Variants in DGKB observed in about 807,000 individuals in gnomAD.
The protein encoded by DGKB is diacylglycerol kinase beta.
A neutral mutation model predicts 114.3 loss-of-function variants in DGKB; 67 were observed. The observed-to-expected ratio is 0.59, with a 90% CI of 0.48 to 0.72. The LOEUF (loss-of-function observed/expected upper bound fraction) is 0.72, where lower values mean the gene tolerates loss of function less well. Among genes scored for constraint, DGKB ranks in the 30% least tolerant of loss-of-function variants. The pLI is 0.00. For synonymous variants in DGKB, 398 were observed against 323.1 expected (o/e 1.23, Z -2.49); for missense variants, 907 against 975.2 (o/e 0.93, Z 0.93).
chr7:14,637,974 T>C (rs2128867576), intron 13 of DGKB, among the ~76,000 whole-genome samples: 1 of 152,216 alleles, frequency 6.6e-6, no homozygotes, highest in South Asian at 2.1e-4. Context: ...ACATCAATTT[T>C]CATTTTCTGA....
chr7:14,437,675 T>C (rs1456863522), intron 21 of DGKB, among the ~76,000 whole-genome samples: 3 of 151,786 alleles, frequency 2.0e-5, no homozygotes, highest in African/African-American at 7.3e-5. Flanking sequence ...GAGAATTGTC[T>C]TCAAGGTAAT....
chr7:14,636,267 C>A (rs898565648), intron 13 of DGKB, among the ~76,000 whole-genome samples: 1 of 151,650 alleles, frequency 6.6e-6, no homozygotes, highest in Non-Finnish European at 1.5e-5. Context: ...AGACTCTTTT[C>A]CCCCGACCAT....
chr7:14,385,393 G>C (rs1297531388), intron 21 of DGKB, among the ~76,000 whole-genome samples: 2 of 152,158 alleles, frequency 1.3e-5, no homozygotes, highest in Non-Finnish European at 2.9e-5. Context: ...GCTATTTGTA[G>C]ACTAGGTCCA....
At chr7:14,233,424 T>A (rs1038076874) in intron 23 of DGKB, among the ~76,000 whole-genome samples, 3 of 152,034 alleles carry the variant, frequency 2.0e-5, no homozygotes, top group Non-Finnish European at 4.4e-5. Context: ...TGTTCTTGCC[T>A]ATAAATTGAG....
At chr7:14,518,156 T>A (rs1789154453) in intron 20 of DGKB, among the ~76,000 whole-genome samples, 1 of 152,160 alleles carries the variant, frequency 6.6e-6, no homozygotes, top group Non-Finnish European at 1.5e-5. Flanking sequence ...ATTATGTCCT[T>A]TGCAGCAGCA....
intron 2 of DGKB, among the ~76,000 whole-genome samples, chr7:14,819,799 T>C (rs949495203): frequency 1.8e-4 from 28 of 152,062 alleles, no homozygotes; most frequent in Non-Finnish European, 3.8e-4. Flanking sequence ...ATACCATATA[T>C]CTTTAAGAGT....
At position 14,178,238 on chromosome 7, in the gene DGKB, A is replaced by G. The variant is rs1205433239; in HGVS notation, c.2123-87T>C. 13 of 1,370,258 alleles carry G rather than the reference A, an allele frequency of 9.5e-6. No homozygotes were observed. The Admixed American group carries it at 3.0e-4, about 32-fold the overall frequency. The allele number at this position is 1,370,258 out of a possible 1,614,324, so 84.9% of individuals were successfully genotyped here. ...CATTTGATATTATGGAGATTAAAAA[A>G]AATAACAGCCACTTCACAAAGAAAG... On this transcript the variant is annotated intron_variant, in intron 23 of 25. Coordinates refer to ENST00000402815, the MANE Select transcript of DGKB (RefSeq NM_001350709.2).
chr7:14,219,984 GAGAA>G (rs1789658216), intron 23 of DGKB, among the ~76,000 whole-genome samples: 1 of 151,568 alleles, frequency 6.6e-6, no homozygotes, highest in African/African-American at 2.4e-5. Context: ...ACTACTTTCT[GAGAA>G]ATGCATCATT....
intron 20 of DGKB, among the ~76,000 whole-genome samples, chr7:14,535,378 G>GAAAA (rs111762380): frequency 3.2e-5 from 4 of 123,644 alleles, no homozygotes; most frequent in African/African-American, 5.8e-5. Flanking sequence ...CTTAAAAAAA[G>GAAAA]AAAAAAAAAA....
At chr7:14,352,467 A>C (rs749953392) in intron 21 of DGKB, among the ~76,000 whole-genome samples, 6 of 151,526 alleles carry the variant, frequency 4.0e-5, no homozygotes, top group Middle Eastern at 3.4e-3. Context: ...AAATGGAAAA[A>C]GTATATAAGC....
chr7:14,648,335 C>A (rs1388953529), intron 13 of DGKB, among the ~76,000 whole-genome samples: 1 of 152,176 alleles, frequency 6.6e-6, no homozygotes, highest in Non-Finnish European at 1.5e-5. Flanking sequence ...GGGTCCCTGA[C>A]CCCTGACCCC....
At chr7:14,733,272 A>C (rs193147718) in intron 5 of DGKB, among the ~76,000 whole-genome samples, 128 of 152,346 alleles carry the variant, frequency 8.4e-4, no homozygotes, top group African/African-American at 2.8e-3. Flanking sequence ...GAAGAGAAAA[A>C]TGATGATAAA....
At chr7:14,363,265 T>C (rs1365268433) in intron 21 of DGKB, among the ~76,000 whole-genome samples, 1 of 152,144 alleles carries the variant, frequency 6.6e-6, no homozygotes. Context: ...TAAACGTATA[T>C]ACCAGACACT....
intron 23 of DGKB, among the ~76,000 whole-genome samples, chr7:14,336,152 C>T (rs2128568948): frequency 6.6e-6 from 1 of 152,134 alleles, no homozygotes; most frequent in Non-Finnish European, 1.5e-5. Context: ...TTGTTTTTGG[C>T]TATTAAGTAT....
intron 9 of DGKB, among the ~76,000 whole-genome samples, chr7:14,693,749 A>T (rs528514607): frequency 1.3e-4 from 20 of 152,160 alleles, no homozygotes; most frequent in African/African-American, 4.8e-4. Context: ...AAAATACAAT[A>T]ATACTGGAGA....
chr7:14,941,554 T>C lies in DGKB; in HGVS notation c.-188+33142A>G, dbSNP rs1016855171. On this transcript the variant is annotated intron_variant, in intron 1 of 4. Transcript: ENST00000437998. ...TGTATGCATAATTTGTAAACATATA[T>C]AGTTACTTGTGAAGATGGTTTACAG... Among the ~76,000 whole-genome samples the C allele has an allele frequency of 1.8e-4, 27 of 152,210 alleles. 1 individual carries two copies. The highest frequency in any genetic ancestry group is 8.3e-4 in the South Asian group (4 of 4,822).
intron 2 of DGKB, among the ~76,000 whole-genome samples, chr7:14,792,316 T>C (rs1023416045): frequency 1.3e-5 from 2 of 152,132 alleles, no homozygotes; most frequent in African/African-American, 4.8e-5. Context: ...AGTGCTTTAT[T>C]CGTGTTTTAA....
At chr7:14,875,946 A>C (rs1853216862) in intron 1 of DGKB, among the ~76,000 whole-genome samples, 1 of 152,164 alleles carries the variant, frequency 6.6e-6, no homozygotes. Flanking sequence ...TCTTGGGATA[A>C]AAGGAAATCA....
chr7:14,469,353 C>A (rs1780937675), intron 21 of DGKB, among the ~76,000 whole-genome samples: 1 of 151,980 alleles, frequency 6.6e-6, no homozygotes, highest in African/African-American at 2.4e-5. Context: ...AGTATTTTAT[C>A]CAAGCTTCAG....
Sources: gnomAD v4.1 joint callset for allele counts (sites outside exome capture counted in the v4.1 genomes callset) on GRCh38, gnomAD v4.1.1 for gene constraint, MANE v1.5 for transcripts, NCBI Gene and HGNC (gene_info 2026-07-23, HGNC 2026-07-21) for gene names.